GRAP2: variants seen among roughly 807,000 people sequenced by gnomAD.
GRAP2 encodes the protein GRB2 related adaptor protein 2.
Under a neutral mutation model 43.5 loss-of-function variants are expected in GRAP2, and 31 were observed. The ratio of observed to expected loss-of-function variants is 0.71; its 90% CI spans 0.54 to 0.96. The LOEUF (loss-of-function observed/expected upper bound fraction) is 0.96, where lower values mean the gene tolerates loss of function less well. Among genes scored for constraint, GRAP2 ranks in the 40% least tolerant of loss-of-function variants. The pLI is 0.00. For synonymous variants in GRAP2, 156 were observed against 164.8 expected (o/e 0.95, Z 0.41); for missense variants, 371 against 424.4 (o/e 0.87, Z 1.11).
At chr22:39,929,290 G>C (rs1318046188) in intron 1 of GRAP2, among the ~76,000 whole-genome samples, 1 of 152,126 alleles carries the variant, frequency 6.6e-6, no homozygotes, top group East Asian at 1.9e-4. Flanking sequence ...GAGAGAGAGA[G>C]AGGAGGGAAT....
intron 4 of GRAP2, chr22:39,964,597 G>C (rs192301736): frequency 2.6e-6 from 2 of 762,638 alleles, no homozygotes; most frequent in East Asian, 4.9e-5. Flanking sequence ...AGGAGACGGT[G>C]ACCCTTTATT....
In GRAP2 at chr22:39,968,277, C is replaced by T; in HGVS notation, c.690+5C>T. The T allele has an allele frequency of 2.5e-6, 4 of 1,613,290 alleles. No individual in the cohort carries two copies. The highest frequency in any genetic ancestry group is 3.4e-6 in the Non-Finnish European group (4 of 1,179,394). ...CAGCACCACCATTTCCACCAGGTAT[C>T]TGGAAAGAAGGCAGTGGGCACAGTA... On this transcript the variant is annotated splice_donor_5th_base_variant and intron_variant, in intron 6 of 7. Coordinates refer to ENST00000344138, the MANE Select transcript of GRAP2 (RefSeq NM_004810.4).
intron 1 of GRAP2, among the ~76,000 whole-genome samples, chr22:39,944,087 C>G (rs1318074031): frequency 6.6e-6 from 1 of 152,112 alleles, no homozygotes; most frequent in Admixed American, 6.5e-5. Flanking sequence ...TGAATTCAGG[C>G]TGTTGCACTC....
chr22:39,943,826 T>C (rs1468949915), intron 1 of GRAP2, among the ~76,000 whole-genome samples: 2 of 151,704 alleles, frequency 1.3e-5, no homozygotes, highest in Admixed American at 1.3e-4. Flanking sequence ...TTCAAGTGAT[T>C]CTCCTGCCTC....
At chr22:39,920,819 T>C (rs1320485770) in intron 1 of GRAP2, among the ~76,000 whole-genome samples, 3 of 151,832 alleles carry the variant, frequency 2.0e-5, no homozygotes, top group East Asian at 1.9e-4. Context: ...GCTGAAACCG[T>C]GCATGCCCTG....
chr22:39,960,769 C>T (rs1601736982), intron 4 of GRAP2: 1 of 152,440 alleles, frequency 6.6e-6, no homozygotes, highest in Non-Finnish European at 1.5e-5. Flanking sequence ...TTTATTTAAT[C>T]AAAGACTTGT....
intron 1 of GRAP2, among the ~76,000 whole-genome samples, chr22:39,910,060 A>C (rs778494509): frequency 5.3e-5 from 8 of 152,164 alleles, no homozygotes; most frequent in Non-Finnish European, 7.3e-5. Flanking sequence ...CTTCTTTTTC[A>C]AGCATAAATA....
intron 1 of GRAP2, among the ~76,000 whole-genome samples, chr22:39,902,730 TC>T: frequency 6.6e-6 from 1 of 152,226 alleles, no homozygotes; most frequent in East Asian, 1.9e-4. Context: ...TAATACAATA[TC>T]CTTTTGAATA....
intron 1 of GRAP2, among the ~76,000 whole-genome samples, chr22:39,909,793 A>G (rs950696830): frequency 6.6e-6 from 1 of 152,236 alleles, no homozygotes; most frequent in Non-Finnish European, 1.5e-5. Flanking sequence ...AAGGAGGTGC[A>G]TCTGTAGGCT....
intron 1 of GRAP2, among the ~76,000 whole-genome samples, chr22:39,908,105 G>T (rs1241436227): frequency 6.6e-6 from 1 of 152,216 alleles, no homozygotes; most frequent in Non-Finnish European, 1.5e-5. Context: ...TCAAGTGAGA[G>T]GTTAGACTGT....
chr22:39,933,962 A>G (rs539140943), intron 1 of GRAP2, among the ~76,000 whole-genome samples: 8 of 152,306 alleles, frequency 5.3e-5, no homozygotes, highest in African/African-American at 1.9e-4. Flanking sequence ...AGCTAAGGTG[A>G]CAGCTGCCTC....
chr22:39,913,613 G>A (rs2066582958), intron 1 of GRAP2, among the ~76,000 whole-genome samples: 1 of 152,244 alleles, frequency 6.6e-6, no homozygotes, highest in Admixed American at 6.5e-5. Context: ...AGGGGTCAAG[G>A]GCTCCCAGCT....
chr22:39,915,310 C>T (rs1388712567), intron 1 of GRAP2, among the ~76,000 whole-genome samples: 1 of 152,066 alleles, frequency 6.6e-6, no homozygotes, highest in Non-Finnish European at 1.5e-5. Flanking sequence ...GGGCACTGCT[C>T]AAGGTAAACA....
intron 4 of GRAP2, among the ~76,000 whole-genome samples, chr22:39,962,685 T>C (rs932064244): frequency 5.3e-5 from 8 of 152,072 alleles, no homozygotes; most frequent in African/African-American, 1.9e-4. Context: ...TGAGACAGAC[T>C]CTCGCTCTGT....
intron 2 of GRAP2, among the ~76,000 whole-genome samples, chr22:39,952,638 T>A (rs1243046296): frequency 6.6e-6 from 1 of 152,186 alleles, no homozygotes; most frequent in Non-Finnish European, 1.5e-5. Flanking sequence ...TTAGAAACTA[T>A]AAAGTTTTCT....
chr22:39,911,250 CT>C (rs2066562328), intron 1 of GRAP2, among the ~76,000 whole-genome samples: 2 of 152,066 alleles, frequency 1.3e-5, no homozygotes, highest in Admixed American at 6.6e-5. Context: ...AAAAATATAA[CT>C]GGTTTATCTG....
chr22:39,905,316 C>A (rs1435647984), intron 1 of GRAP2, among the ~76,000 whole-genome samples: 2 of 152,076 alleles, frequency 1.3e-5, no homozygotes, highest in Non-Finnish European at 2.9e-5. Flanking sequence ...CATGCAAATT[C>A]ATCATTATCA....
At chr22:39,964,211 T>C in intron 4 of GRAP2, 1 of 546,368 alleles carries the variant, frequency 1.8e-6, no homozygotes, top group Non-Finnish European at 3.2e-6. Flanking sequence ...CTGGATCTAA[T>C]GGTAAAGGCT....
chr22:39,966,123 C>T lies in GRAP2; in HGVS notation c.424C>T (p.Gln142Ter). Reference protein sequence around the residue: ...YRTNSISRQKQIFLRDRTRED... With the variant: ...YRTNSISRQK ...GACAAATTCCATCTCCAGACAGAAGCAGATCTTCCTTAGAGACAGAACCCG... is the reference window on the plus strand; with the variant it reads ...GACAAATTCCATCTCCAGACAGAAGTAGATCTTCCTTAGAGACAGAACCCG... The change falls in exon 5 of 8, where the codon CAG (glutamine) becomes TAG (stop). Residue 142 changes from glutamine to a stop codon, truncating the protein, a stop_gained. Transcript: ENST00000344138. LOFTEE classifies it high-confidence loss of function. The T allele has an allele frequency of 6.2e-7, 1 of 1,614,048 alleles. No homozygotes were observed. The highest frequency in any genetic ancestry group is 8.5e-7 in the Non-Finnish European group (1 of 1,179,882).
Sources: allele counts gnomAD v4.1 joint callset (sites outside exome capture counted in the v4.1 genomes callset), GRCh38; gene constraint gnomAD v4.1.1; transcripts MANE v1.5; gene names NCBI Gene and HGNC (gene_info 2026-07-23, HGNC 2026-07-21).